QTMAN: variants seen among roughly 807,000 people sequenced by gnomAD.
The protein encoded by QTMAN is tRNA-queuosine alpha-mannosyltransferase.
the QTMAN span, among the ~76,000 whole-genome samples, chr2:144,153,497 C>G: frequency 1.3e-5 from 2 of 152,054 alleles, no homozygotes; most frequent in South Asian, 4.1e-4. Context: ...ATCACGAGGT[C>G]AGGAGATCGA....
At chr2:144,092,605 T>C in the QTMAN span, among the ~76,000 whole-genome samples, 1 of 152,336 alleles carries the variant, frequency 6.6e-6, no homozygotes, top group Admixed American at 6.5e-5. Context: ...TTTAGTCATT[T>C]TGAACTGTTG....
At chr2:144,060,011 A>G in the QTMAN span, among the ~76,000 whole-genome samples, 1 of 151,954 alleles carries the variant, frequency 6.6e-6, no homozygotes, top group South Asian at 2.1e-4. Context: ...AGTCTCCACC[A>G]CCAGAATGTA....
chr2:144,051,974 A>T, the QTMAN span, among the ~76,000 whole-genome samples: 1 of 152,220 alleles, frequency 6.6e-6, no homozygotes, highest in South Asian at 2.1e-4. Flanking sequence ...AATTAACCCC[A>T]AATTATATAA....
the QTMAN span, among the ~76,000 whole-genome samples, chr2:144,028,915 A>C: frequency 6.6e-6 from 1 of 152,216 alleles, no homozygotes; most frequent in African/African-American, 2.4e-5. Context: ...TATGTCTGAG[A>C]AACAGGACTG....
At chr2:144,271,620 T>A in the QTMAN span, among the ~76,000 whole-genome samples, 1 of 152,178 alleles carries the variant, frequency 6.6e-6, no homozygotes. Flanking sequence ...AACCTAAGGC[T>A]GAAGGTAGTG....
chr2:143,997,156 C>G, the QTMAN span, among the ~76,000 whole-genome samples: 1 of 151,910 alleles, frequency 6.6e-6, no homozygotes, highest in African/African-American at 2.4e-5. Context: ...GTAAATACCC[C>G]CCTTTCAACA....
At chr2:144,273,874 G>C in the QTMAN span, among the ~76,000 whole-genome samples, 1 of 152,142 alleles carries the variant, frequency 6.6e-6, no homozygotes, top group Non-Finnish European at 1.5e-5. Flanking sequence ...GGTGGCTCAC[G>C]CCTGTAATCC....
At chr2:144,318,758 T>A in the QTMAN span, among the ~76,000 whole-genome samples, 1 of 152,238 alleles carries the variant, frequency 6.6e-6, no homozygotes. Flanking sequence ...GTTGATGAAC[T>A]GTATATGCTA....
chr2:144,271,002 T>C, the QTMAN span, among the ~76,000 whole-genome samples: 2 of 152,324 alleles, frequency 1.3e-5, no homozygotes, highest in Non-Finnish European at 2.9e-5. Context: ...TTTCTCTAAG[T>C]AAAGATTACA....
At chr2:144,032,661 G>A in the QTMAN span, among the ~76,000 whole-genome samples, 3 of 152,204 alleles carry the variant, frequency 2.0e-5, no homozygotes, top group Admixed American at 1.3e-4. Context: ...TGGAGAAGAA[G>A]TACATAAAGT....
chr2:144,042,449 A>G, the QTMAN span, among the ~76,000 whole-genome samples: 1 of 152,048 alleles, frequency 6.6e-6, no homozygotes, highest in Non-Finnish European at 1.5e-5. Context: ...GAGGAATAAA[A>G]GCTCCCTTTA....
the QTMAN span, among the ~76,000 whole-genome samples, chr2:144,020,696 C>T: frequency 6.6e-6 from 1 of 152,088 alleles, no homozygotes; most frequent in African/African-American, 2.4e-5. Flanking sequence ...GCAAGTCACA[C>T]CCCCATCACA....
the QTMAN span, among the ~76,000 whole-genome samples, chr2:144,321,383 A>G: frequency 6.6e-6 from 1 of 152,230 alleles, no homozygotes; most frequent in African/African-American, 2.4e-5. Context: ...CTAGAAGTCA[A>G]AAGTATAATT....
chr2:144,220,063 A>G, the QTMAN span, among the ~76,000 whole-genome samples: 17 of 152,214 alleles, frequency 1.1e-4, no homozygotes, highest in Non-Finnish European at 2.2e-4. Flanking sequence ...GCAACACCAG[A>G]AAAACTGGAC....
the QTMAN span, among the ~76,000 whole-genome samples, chr2:144,191,769 T>C: frequency 6.6e-6 from 1 of 152,186 alleles, no homozygotes; most frequent in Non-Finnish European, 1.5e-5. Flanking sequence ...CAGTATTAAA[T>C]ATAAAATACC....
At chr2:144,297,095 A>C in the QTMAN span, among the ~76,000 whole-genome samples, 1 of 152,214 alleles carries the variant, frequency 6.6e-6, no homozygotes, top group Admixed American at 6.5e-5. Flanking sequence ...AAATCTACAA[A>C]TTAGAAAACA....
the QTMAN span, among the ~76,000 whole-genome samples, chr2:144,089,670 C>G: frequency 6.6e-6 from 1 of 151,748 alleles, no homozygotes; most frequent in African/African-American, 2.4e-5. Context: ...TCTCTCCAGG[C>G]ACAAAAAGAC....
chr2:144,067,748 G>T, the QTMAN span, among the ~76,000 whole-genome samples: 1 of 152,128 alleles, frequency 6.6e-6, no homozygotes, highest in African/African-American at 2.4e-5. Flanking sequence ...CTGGAAGAAG[G>T]GGGTGCTAGG....
At chr2:144,081,846 A>T in the QTMAN span, among the ~76,000 whole-genome samples, 2 of 152,076 alleles carry the variant, frequency 1.3e-5, no homozygotes, top group Non-Finnish European at 2.9e-5. Flanking sequence ...TATCACTATC[A>T]TTTACGGGTA....
Sources: gnomAD v4.1 joint callset for allele counts (sites outside exome capture counted in the v4.1 genomes callset) on GRCh38, gnomAD v4.1.1 for gene constraint, MANE v1.5 for transcripts, NCBI Gene and HGNC (gene_info 2026-07-23, HGNC 2026-07-21) for gene names.